Variants in TNIK observed in about 807,000 individuals in gnomAD.
TNIK encodes TRAF2 and NCK-interacting protein kinase.
A neutral mutation model predicts 191.3 loss-of-function variants in TNIK; 49 were observed. The observed-to-expected ratio is 0.26, with a 90% CI of 0.20 to 0.32. The LOEUF is 0.32. TNIK is among the 10% of genes least tolerant of loss of function. The probability of loss-of-function intolerance (pLI) is 1.00; values close to 1 mark genes in which losing one functional copy is unlikely to be tolerated. For synonymous variants in TNIK, 594 were observed against 600.9 expected (o/e 0.99, Z 0.17); for missense variants, 1,155 against 1,702.3 (o/e 0.68, Z 5.66).
intron 1 of TNIK, 93 bp downstream of exon 1, chr3:171,459,914 C>G (rs1729263674): frequency 3.9e-4 from 413 of 1,053,800 alleles, no homozygotes; most frequent in East Asian, 4.6e-4. Flanking sequence ...CCGCTGCTGT[C>G]CCCCTGCCCC....
chr3:171,078,886 T>C (rs949850122), intron 28 of TNIK, among the ~76,000 whole-genome samples: 3 of 152,224 alleles, frequency 2.0e-5, no homozygotes, highest in Non-Finnish European at 2.9e-5. Context: ...TTCACAAGTA[T>C]TCCCAGCATC....
intron 1 of TNIK, among the ~76,000 whole-genome samples, chr3:171,440,263 C>T (rs569073221): frequency 7.2e-5 from 11 of 152,116 alleles, no homozygotes; most frequent in Non-Finnish European, 1.5e-4. Context: ...CTTCCCTCGC[C>T]ATCATAGTAA....
chr3:171,441,620 C>G (rs1370378110), intron 1 of TNIK, among the ~76,000 whole-genome samples: 1 of 152,192 alleles, frequency 6.6e-6, no homozygotes, highest in East Asian at 1.9e-4. Context: ...ATGAACACTC[C>G]TGTACAAGTT....
intron 2 of TNIK, among the ~76,000 whole-genome samples, chr3:171,266,753 A>G (rs1748449166): frequency 6.6e-6 from 1 of 152,196 alleles, no homozygotes; most frequent in South Asian, 2.1e-4. Context: ...GAGTGCCTTG[A>G]AAACACTTCC....
intron 1 of TNIK, among the ~76,000 whole-genome samples, chr3:171,388,326 T>C (rs1307363427): frequency 6.6e-6 from 1 of 152,240 alleles, no homozygotes; most frequent in Non-Finnish European, 1.5e-5. Flanking sequence ...ACACACATTA[T>C]TGAATAGAGA....
At chr3:171,387,979 G>GT (rs1255908961) in intron 1 of TNIK, among the ~76,000 whole-genome samples, 48 of 151,592 alleles carry the variant, frequency 3.2e-4, no homozygotes, top group African/African-American at 1.1e-3. Flanking sequence ...AGCAAGGAGT[G>GT]TGGGGGGAGG....
intron 21 of TNIK, 112 bp downstream of exon 21, chr3:171,107,046 CACTCCTCCCAGCAGATTGCTACAAA>C (rs768849475): frequency 1.7e-4 from 147 of 848,990 alleles, no homozygotes; most frequent in Non-Finnish European, 4.0e-5. Context: ...TTTGAAGGGG[CACTCCTCCCAGCAGATTGCTACAAA>C]TCTCCTCCCA....
At chr3:171,357,551 C>CT (rs77632080) in intron 2 of TNIK, among the ~76,000 whole-genome samples, 10,405 of 126,884 alleles carry the variant, frequency 0.082, 886 homozygotes, top group East Asian at 0.25. Context: ...AGCCTCTGTA[C>CT]TTTTTTTTTT....
intron 18 of TNIK, among the ~76,000 whole-genome samples, chr3:171,113,960 G>C (rs1288950235): frequency 6.7e-6 from 1 of 149,032 alleles, no homozygotes; most frequent in African/African-American, 2.5e-5. Flanking sequence ...CTAAGCAGTG[G>C]TGCTGGGAGG....
intron 2 of TNIK, among the ~76,000 whole-genome samples, chr3:171,268,511 C>T (rs187552173): frequency 2.1e-4 from 32 of 152,152 alleles, no homozygotes; most frequent in African/African-American, 7.7e-4. Flanking sequence ...CTGTTCTATA[C>T]TAAGGTCTCT....
chr3:171,312,622 G>T (rs1560413047), intron 2 of TNIK, among the ~76,000 whole-genome samples: 1 of 151,616 alleles, frequency 6.6e-6, no homozygotes, highest in Non-Finnish European at 1.5e-5. Flanking sequence ...TTTTAGCTGG[G>T]GTCTCTTTCC....
chr3:171,378,915 GT>G (rs1338019105), intron 1 of TNIK, among the ~76,000 whole-genome samples: 1 of 152,132 alleles, frequency 6.6e-6, no homozygotes, highest in African/African-American at 2.4e-5. Flanking sequence ...TTTTCCTTCT[GT>G]TTGATTTCAC....
chr3:171,209,177 A>T (rs1182006368), intron 4 of TNIK, among the ~76,000 whole-genome samples: 3 of 150,830 alleles, frequency 2.0e-5, no homozygotes, highest in East Asian at 1.9e-4. Context: ...CATTATAATT[A>T]AAAAAAAATC....
intron 12 of TNIK, among the ~76,000 whole-genome samples, chr3:171,142,041 T>C (rs905122184): frequency 1.3e-5 from 2 of 152,222 alleles, no homozygotes; most frequent in East Asian, 1.9e-4. Flanking sequence ...ACCTTCCCGA[T>C]GGAGCTCCTG....
At chr3:171,102,506 T>G (rs2108457028) in intron 21 of TNIK, among the ~76,000 whole-genome samples, 1 of 152,256 alleles carries the variant, frequency 6.6e-6, no homozygotes, top group Middle Eastern at 3.4e-3. Context: ...TTTACATGCT[T>G]TCAGAGTAAT....
At chr3:171,297,358 C>A (rs377119108) in intron 2 of TNIK, among the ~76,000 whole-genome samples, 1 of 152,180 alleles carries the variant, frequency 6.6e-6, no homozygotes. Context: ...CCCACCCCAA[C>A]TTTCACATGT....
intron 18 of TNIK, among the ~76,000 whole-genome samples, chr3:171,113,972 AG>A (rs1726275000): frequency 1.4e-5 from 2 of 144,398 alleles, no homozygotes; most frequent in African/African-American, 5.2e-5. Flanking sequence ...GCTGGGAGGC[AG>A]CTGCTGAGGA....
At position 171,167,154 on chromosome 3, in the gene TNIK, T is replaced by C; in HGVS notation, c.890A>G (p.Gln297Arg). 1 of 1,613,980 alleles carries C rather than the reference T, an allele frequency of 6.2e-7. No individual in the cohort carries two copies. The highest frequency in any genetic ancestry group is 8.5e-7 in the Non-Finnish European group (1 of 1,179,876). ...ATGGTCCTTGAGTTGAATGCGGACCTGTCGCTCATTAGGTTGGTCTCGTAT... is the reference window on the plus strand; with the variant it reads ...ATGGTCCTTGAGTTGAATGCGGACCCGTCGCTCATTAGGTTGGTCTCGTAT... ...PFIRDQPNER[Q>R]VRIQLKDHID... Residue 297 changes from glutamine (Q) to arginine (R), a missense_variant, in exon 10 of 33, where the codon CAG (glutamine) becomes CGG (arginine). Transcript: ENST00000436636.
intron 2 of TNIK, among the ~76,000 whole-genome samples, chr3:171,298,938 C>G (rs1752604779): frequency 6.6e-6 from 1 of 152,188 alleles, no homozygotes. Context: ...ATGGCTCCAT[C>G]ATGGCACCAT....
Sources: allele counts gnomAD v4.1 joint callset (sites outside exome capture counted in the v4.1 genomes callset), GRCh38; gene constraint gnomAD v4.1.1; transcripts MANE v1.5; gene names NCBI Gene and HGNC (gene_info 2026-07-23, HGNC 2026-07-21).